Variants in STPG2 observed in about 807,000 individuals in gnomAD.
STPG2 encodes the protein sperm tail PG-rich repeat containing 2, also known as sperm-tail PG-rich repeat-containing protein 2.
A neutral mutation model predicts 54.2 loss-of-function variants in STPG2; 56 were observed. The observed-to-expected ratio is 1.03, with a 90% confidence interval of 0.83 to 1.29. The LOEUF is 1.29. STPG2 is among the 50% of genes most tolerant of loss of function. The pLI is 0.00. For missense variants in STPG2, 596 were observed against 544.9 expected (o/e 1.09, Z -0.93); for synonymous variants, 200 against 181.8 (o/e 1.10, Z -0.81).
In STPG2 at chr4:97,853,373, G is replaced by A. The variant is rs571586040; in HGVS notation, c.1045-12441C>T. On this transcript the variant is annotated intron_variant, in intron 8 of 10. Transcript: ENST00000295268. ...AAAAATTGTGATAGTTCATGTATAC[G>A]TATGTAACAAACCTGCACATTCTGC... Among the ~76,000 whole-genome samples, 95 of 152,154 alleles carry A rather than the reference G, an allele frequency of 6.2e-4. 4 individuals are homozygous for A. Among genetic ancestry groups the A allele is most frequent in the Non-Finnish European group, 7.4e-5 (5 of 68,014 alleles).
chr4:97,528,402 G>A (rs1177299355), intron 4 of STPG2, among the ~76,000 whole-genome samples: 1 of 152,066 alleles, frequency 6.6e-6, no homozygotes, highest in African/African-American at 2.4e-5. Flanking sequence ...GGTTATTGTA[G>A]CTTTGGAGTA....
chr4:97,715,722 A>T (rs767493348), intron 9 of STPG2, among the ~76,000 whole-genome samples: 1 of 152,172 alleles, frequency 6.6e-6, no homozygotes, highest in Non-Finnish European at 1.5e-5. Flanking sequence ...AATATCCCAT[A>T]TATGAGCATA....
chr4:97,890,988 T>C (rs1213884460), intron 8 of STPG2, among the ~76,000 whole-genome samples: 2 of 151,936 alleles, frequency 1.3e-5, no homozygotes, highest in African/African-American at 4.8e-5. Context: ...TAAGAATTAG[T>C]ATTATAGGCA....
chr4:97,724,468 G>A (rs144607695), intron 9 of STPG2, among the ~76,000 whole-genome samples: 43 of 152,080 alleles, frequency 2.8e-4, no homozygotes, highest in African/African-American at 9.4e-4. Flanking sequence ...TCCTAGGAAC[G>A]TTATTTTTAC....
chr4:97,459,289 T>C (rs1324871201), intron 4 of STPG2, among the ~76,000 whole-genome samples: 1 of 152,112 alleles, frequency 6.6e-6, no homozygotes, highest in East Asian at 1.9e-4. Flanking sequence ...TGAAACAAAA[T>C]TTAAACTGTA....
At chr4:98,102,167 C>T (rs1417849584) in intron 5 of STPG2, among the ~76,000 whole-genome samples, 2 of 152,188 alleles carry the variant, frequency 1.3e-5, no homozygotes, top group African/African-American at 2.4e-5. Flanking sequence ...TACCTACCTC[C>T]CTCACCTCTG....
chr4:97,921,091 C>G (rs1727272), intron 8 of STPG2, among the ~76,000 whole-genome samples: 124,635 of 152,144 alleles, frequency 0.82, 51,351 homozygotes, highest in Middle Eastern at 0.94. Flanking sequence ...TAGAAAGTAC[C>G]GGTTTACATT....
At chr4:97,454,118 C>T (rs1729449178) in intron 4 of STPG2, among the ~76,000 whole-genome samples, 1 of 151,942 alleles carries the variant, frequency 6.6e-6, no homozygotes, top group Non-Finnish European at 1.5e-5. Flanking sequence ...ATATTTAAAA[C>T]AACATGGCTT....
intron 9 of STPG2, among the ~76,000 whole-genome samples, chr4:97,737,295 G>T (rs936168047): frequency 1.3e-5 from 2 of 152,182 alleles, no homozygotes; most frequent in Non-Finnish European, 2.9e-5. Flanking sequence ...ATTCTAAAAA[G>T]CAGAGTGCCT....
chr4:98,133,358 A>C lies in STPG2; in HGVS notation c.222+989T>G, dbSNP rs146640527. Among the ~76,000 whole-genome samples, 646 of 152,122 alleles carry C rather than the reference A, an allele frequency of 4.2e-3. 3 individuals are homozygous for C. Among genetic ancestry groups the C allele is most frequent in the South Asian group, 0.025 (120 of 4,828 alleles). On this transcript the variant is annotated intron_variant, in intron 2 of 10. Coordinates refer to ENST00000295268, the MANE Select transcript of STPG2 (RefSeq NM_174952.3). Reference sequence around the variant, plus strand: ...AAGATTTTAAGTCATTGATCTACAAATAGCCCTTTTCACATGTCCAGTTGT... The same window carrying C: ...AAGATTTTAAGTCATTGATCTACAACTAGCCCTTTTCACATGTCCAGTTGT...
intron 9 of STPG2, among the ~76,000 whole-genome samples, chr4:97,753,786 T>C (rs1725652823): frequency 6.6e-6 from 1 of 152,078 alleles, no homozygotes; most frequent in Non-Finnish European, 1.5e-5. Flanking sequence ...TTCATGTGTT[T>C]GTTAACCATT....
intron 4 of STPG2, among the ~76,000 whole-genome samples, chr4:97,512,005 C>A (rs1273948655): frequency 6.6e-6 from 1 of 152,024 alleles, no homozygotes; most frequent in African/African-American, 2.4e-5. Context: ...AAAGGACCTG[C>A]ATGCTTTGCT....
At chr4:97,721,005 A>G (rs191550098) in intron 9 of STPG2, among the ~76,000 whole-genome samples, 23 of 152,180 alleles carry the variant, frequency 1.5e-4, no homozygotes, top group Admixed American at 3.9e-4. Context: ...TTAACTAGAA[A>G]TCATCTGTAT....
At chr4:97,935,041 A>C (rs1285606511) in intron 8 of STPG2, among the ~76,000 whole-genome samples, 2 of 152,046 alleles carry the variant, frequency 1.3e-5, no homozygotes, top group Non-Finnish European at 2.9e-5. Flanking sequence ...AGAATTTGTT[A>C]TTGGTCTATT....
intron 5 of STPG2, among the ~76,000 whole-genome samples, chr4:98,063,322 G>A (rs769283422): frequency 6.6e-6 from 1 of 151,950 alleles, no homozygotes; most frequent in Non-Finnish European, 1.5e-5. Flanking sequence ...GGTGGCACAT[G>A]CCTGTAGTCC....
chr4:97,774,714 C>T (rs891774230), intron 9 of STPG2, among the ~76,000 whole-genome samples: 1 of 152,190 alleles, frequency 6.6e-6, no homozygotes, highest in African/African-American at 2.4e-5. Context: ...CATTCTCACA[C>T]ACACACAAAA....
chr4:98,076,409 T>A (rs1738169802), intron 5 of STPG2, among the ~76,000 whole-genome samples: 1 of 152,218 alleles, frequency 6.6e-6, no homozygotes, highest in South Asian at 2.1e-4. Flanking sequence ...TTCTGACTCA[T>A]ATTTTTAATC....
chr4:98,051,034 T>C lies in STPG2; in HGVS notation c.612+54919A>G, dbSNP rs115062991. 8.6e-3 allele frequency among the ~76,000 whole-genome samples: 1,259 copies of C among 145,716 alleles called. 15 individuals are homozygous for C. The highest frequency in any genetic ancestry group is 0.03 in the African/African-American group (1,185 of 39,386). ...AAAAGAAAAAAAAAAAGGAAAAAAA[T>C]TGATGTCAGGAAGATGGCAGAATAG... On this transcript the variant is annotated intron_variant, in intron 5 of 10. Transcript: ENST00000295268.
chr4:97,656,377 G>A (rs929322604), intron 10 of STPG2, among the ~76,000 whole-genome samples: 9 of 152,104 alleles, frequency 5.9e-5, no homozygotes, highest in African/African-American at 2.2e-4. Flanking sequence ...ATTGAACAGA[G>A]ATGTGCTTCA....
Sources: allele counts gnomAD v4.1 joint callset (sites outside exome capture counted in the v4.1 genomes callset), GRCh38; gene constraint gnomAD v4.1.1; transcripts MANE v1.5; gene names NCBI Gene and HGNC (gene_info 2026-07-23, HGNC 2026-07-21).